ABCF1: variants seen among roughly 807,000 people sequenced by gnomAD.
ABCF1 encodes ATP binding cassette subfamily F member 1, also known as ATP-binding cassette sub-family F member 1.
ABCF1 carries 73 observed loss-of-function variants against 126.3 expected under a neutral mutation model. That is an observed-to-expected ratio of 0.58 (90% CI 0.48 to 0.70). ABCF1 has a LOEUF of 0.70. Among genes scored for constraint, ABCF1 ranks in the 30% least tolerant of loss-of-function variants. The probability of loss-of-function intolerance (pLI) is 0.00; values close to 1 mark genes in which losing one functional copy is unlikely to be tolerated. For missense variants in ABCF1, 786 were observed against 1,057.5 expected, an observed-to-expected ratio of 0.74 and a Z score of 3.56; for synonymous variants, 345 against 396.4, an observed-to-expected ratio of 0.87 and a Z score of 1.54.
chr6:30,585,672 G>C lies in ABCF1; in HGVS notation c.1590G>C (p.Arg530Ser), dbSNP rs914819438. ...HLDAQRLHYY[R>S]GNYMTFKKMY... ...ATGCCCAGCGGCTCCACTACTATAG[G>C]GGCAATTACAGTAAGTAGGATTGTG... The change falls in exon 16 of 25, where the codon AGG (arginine) becomes AGC (serine). Residue 530 changes from arginine (R) to serine (S), a missense_variant. This residue lies in a region of ABCF1 where 288 missense variants were observed against 423.5 expected (regional missense o/e 0.68). Transcript: ENST00000326195. 16 of 1,612,830 alleles carry C rather than the reference G, an allele frequency of 9.9e-6. No individual in the cohort carries two copies. Among genetic ancestry groups the C allele is most frequent in the Non-Finnish European group, 1.4e-5 (16 of 1,180,012 alleles).
rs1348251446 is a variant in ABCF1, at chr6:30,583,460, C to T, written c.916-148C>T. ...TACAGGCAGCGAACAGGGCGGGGAC[C>T]GGCTGTGGGGAGAGGAAGGGGATTA... On this transcript the variant is annotated intron_variant, in intron 10 of 24. Coordinates refer to ENST00000326195, the MANE Select transcript of ABCF1 (RefSeq NM_001025091.2). This position sits in a 1 kb window ranked among gnomAD's most constrained non-coding sequence, Gnocchi z 4.1. The T allele has an allele frequency of 1.2e-5, 11 of 930,394 alleles. No homozygotes were observed. Among genetic ancestry groups the T allele is most frequent in the Middle Eastern group, 3.3e-4 (1 of 3,004 alleles). 57.6% of individuals were successfully genotyped at this position (930,394 alleles called of 1,614,324 possible). A position where few individuals can be genotyped will look rare whatever the true frequency, so the allele number is the denominator to read the frequency against.
chr6:30,589,450 A>G, intron 20 of ABCF1: 1 of 577,782 alleles, frequency 1.7e-6, no homozygotes, highest in South Asian at 2.1e-5. Flanking sequence ...AAAAATACAA[A>G]AAATTAGCCG....
chr6:30,580,250 G>A (rs1801741382), intron 7 of ABCF1, among the ~76,000 whole-genome samples, 156 bp from the exon 8 acceptor site: 1 of 151,884 alleles, frequency 6.6e-6, no homozygotes, highest in African/African-American at 2.4e-5. Context: ...GGGAGGCTGA[G>A]GCAGGAGAAT....
intron 22 of ABCF1, 35 bp downstream of exon 22, chr6:30,590,009 C>T (rs775901047): frequency 5.6e-6 from 9 of 1,608,822 alleles, no homozygotes; most frequent in South Asian, 4.4e-5. Flanking sequence ...GTGCCCTTCA[C>T]CTTATCATTC....
At position 30,585,271 on chromosome 6, in the gene ABCF1, TG is replaced by T; in HGVS notation, c.1405del (p.Glu469SerfsTer5). 1 of 1,613,280 alleles carries T rather than the reference TG, an allele frequency of 6.2e-7. No individual in the cohort carries two copies. Among genetic ancestry groups the T allele is most frequent in the Non-Finnish European group, 8.5e-7 (1 of 1,179,886 alleles). On this transcript the variant is annotated frameshift_variant, in exon 15 of 25. Coordinates refer to ENST00000326195, the MANE Select transcript of ABCF1 (RefSeq NM_001025091.2). LOFTEE classifies it high-confidence loss of function. ...TACCCACCCTCTAGGGCACTGTTCA[TG>T]GAGCCCACACTGCTGATGCTGGATG... ...MRVSLARALF[M>X]EPTLLMLDEP...
chr6:30,589,018 T>C (rs1052910008), intron 20 of ABCF1, among the ~76,000 whole-genome samples: 1 of 152,252 alleles, frequency 6.6e-6, no homozygotes, highest in South Asian at 2.1e-4. Flanking sequence ...GTTCCTTTTC[T>C]TTTTTGAGAC....
At chr6:30,577,351 G>A (rs1801555551) in intron 1 of ABCF1, 58 bp from the exon 2 acceptor site, 1 of 1,557,860 alleles carries the variant, frequency 6.4e-7, no homozygotes, top group Non-Finnish European at 8.8e-7. Flanking sequence ...TTGCAGGGGG[G>A]ATCAGACTGC....
rs192021424 is a variant in ABCF1, at chr6:30,586,406, G to A, written c.1886-68G>A. On this transcript the variant is annotated intron_variant, in intron 18 of 24. Coordinates refer to ENST00000326195, the MANE Select transcript of ABCF1 (RefSeq NM_001025091.2). The surrounding 1 kb of genome is among the most constrained non-coding windows in gnomAD (Gnocchi z 4.9). Reference sequence around the variant, plus strand: ...GCTGAGATTGCTCCTGTTCTCCAAGGCCAGCACATGAGAGGGACTTTGCAG... The same window carrying A: ...GCTGAGATTGCTCCTGTTCTCCAAGACCAGCACATGAGAGGGACTTTGCAG... 7,651 of 1,608,930 alleles carry A rather than the reference G, an allele frequency of 4.8e-3. 40 individuals carry two copies. Among genetic ancestry groups the A allele is most frequent in the Non-Finnish European group, 4.7e-3 (5,559 of 1,176,236 alleles).
intron 1 of ABCF1, 145 bp from the exon 2 acceptor site, chr6:30,577,264 G>C (rs980156873): frequency 2.8e-6 from 2 of 711,284 alleles, no homozygotes; most frequent in Non-Finnish European, 4.7e-6. Context: ...TGCAGGAGTT[G>C]TGAGACAGTA....
In ABCF1 at chr6:30,586,117, T is replaced by C; in HGVS notation, c.1714-17T>C. The C allele has an allele frequency of 6.2e-7, 1 of 1,608,160 alleles. No individual in the cohort carries two copies. Among genetic ancestry groups the C allele is most frequent in the Admixed American group, 1.7e-5 (1 of 58,090 alleles). The stretch of plus-strand genomic sequence containing the variant: ...CGCGCAGGGCTCAGGTTTCTCTTTT[T>C]TCCTCTTCCTCTCCAGGAAAAACAA... On this transcript the variant is annotated splice_polypyrimidine_tract_variant and intron_variant, in intron 17 of 24. Transcript: ENST00000326195. This position sits in a 1 kb window ranked among gnomAD's most constrained non-coding sequence, Gnocchi z 4.9.
At position 30,586,177 on chromosome 6, in the gene ABCF1, G is replaced by T. The variant is rs1250124990; in HGVS notation, c.1757G>T (p.Cys586Phe). 1 of 1,613,982 alleles carries T rather than the reference G, an allele frequency of 6.2e-7. No homozygotes were observed. Among genetic ancestry groups the T allele is most frequent in the Admixed American group, 1.7e-5 (1 of 59,988 alleles). The change falls in exon 18 of 25, where the codon TGC becomes TTC. Residue 586 changes from cysteine (C) to phenylalanine (F), a missense_variant. Physicochemically the swap from Cys to Phe is radical, Grantham distance 205 (BLOSUM62 -2). Coordinates refer to ENST00000326195, the MANE Select transcript of ABCF1 (RefSeq NM_001025091.2). This position sits in a 1 kb window ranked among gnomAD's most constrained non-coding sequence, Gnocchi z 4.9. ...GCCCTGACTCGGAAGCAGCAGAAAT[G>T]CCGACGGAAAAACCAAGATGAGGAA... ...KEALTRKQQKCRRKNQDEESQ... is the reference protein window; with the variant it reads ...KEALTRKQQKFRRKNQDEESQ...
In ABCF1 at chr6:30,584,328, G is replaced by A. The variant is rs1801994223; in HGVS notation, c.1239G>A (p.Glu413=). 1 of 1,613,028 alleles carries A rather than the reference G, an allele frequency of 6.2e-7. No individual in the cohort carries two copies. Among genetic ancestry groups the A allele is most frequent in the African/African-American group, 1.3e-5 (1 of 74,924 alleles). Residue 413 remains glutamate, a synonymous_variant, in exon 13 of 25, where the codon GAG becomes GAA. Coordinates refer to ENST00000326195, the MANE Select transcript of ABCF1 (RefSeq NM_001025091.2). This position sits in a 1 kb window ranked among gnomAD's most constrained non-coding sequence, Gnocchi z 4.6. ...QGDDTAAERL[E]KVYEELRATG... ...ATGACACAGCTGCTGAGAGGCTAGA[G>A]AAGGTAGAGGAGATGGCGCAGGGGA...
intron 20 of ABCF1, among the ~76,000 whole-genome samples, chr6:30,587,774 A>G (rs1016085740): frequency 6.6e-6 from 1 of 151,100 alleles, no homozygotes; most frequent in African/African-American, 2.4e-5. Flanking sequence ...GCTTGAGTCC[A>G]GGGGGCAGAG....
Position 30,584,014 on chromosome 6 carries a change from C to A in ABCF1, c.1102+124C>A, listed in dbSNP as rs1394776201. On this transcript the variant is annotated intron_variant, in intron 12 of 24. Transcript: ENST00000326195. The surrounding 1 kb of genome is among the most constrained non-coding windows in gnomAD (Gnocchi z 4.6). ...AGGGATGTGGAGGGAGACTGGAGAC[C>A]GGGAAAGGGATGCTAAGGAAAGGAG... 1.4e-6 allele frequency: 2 copies of A among 1,399,068 alleles called. No homozygotes were observed. Among genetic ancestry groups the A allele is most frequent in the Non-Finnish European group, 2.0e-6 (2 of 1,013,230 alleles). The allele number at this position is 1,399,068 out of a possible 1,614,324, so 86.7% of individuals were successfully genotyped here.
intron 1 of ABCF1, among the ~76,000 whole-genome samples, chr6:30,576,075 T>TAAA (rs35364261): frequency 1.7e-5 from 2 of 120,822 alleles, no homozygotes; most frequent in African/African-American, 3.0e-5. Context: ...CCCTGTCTCT[T>TAAA]AAAAAAAAAA....
intron 20 of ABCF1, among the ~76,000 whole-genome samples, chr6:30,587,646 A>G (rs990597774): frequency 6.6e-6 from 1 of 151,482 alleles, no homozygotes; most frequent in African/African-American, 2.4e-5. Flanking sequence ...AAAAAAAAAA[A>G]CAGACCAGCC....
chr6:30,582,404 A>G lies in ABCF1; in HGVS notation c.689A>G (p.Glu230Gly), dbSNP rs1435353518. 1 of 1,602,792 alleles carries G rather than the reference A, an allele frequency of 6.2e-7. No homozygotes were observed. The change falls in exon 9 of 25, where the codon GAA becomes GGA. Residue 230 changes from glutamate to glycine, a missense_variant. Coordinates refer to ENST00000326195, the MANE Select transcript of ABCF1 (RefSeq NM_001025091.2). ...CCCGGGTTCTCACAGGGTTCAGAGGAAGAAGGAGAAGGGGAAGAAGAGGAG... is the reference window on the plus strand; with the variant it reads ...CCCGGGTTCTCACAGGGTTCAGAGGGAGAAGGAGAAGGGGAAGAAGAGGAG... Reference protein sequence around the residue: ...KAKKAEQGSEEEGEGEEEEEE... With the variant: ...KAKKAEQGSEGEGEGEEEEEE...
intron 1 of ABCF1, among the ~76,000 whole-genome samples, chr6:30,572,496 T>C (rs1801304607): frequency 6.6e-6 from 1 of 152,088 alleles, no homozygotes; most frequent in African/African-American, 2.4e-5. Context: ...CTCCCAAGAA[T>C]ATGTAATAGC....
rs1561804985 is a variant in ABCF1 at position 30,590,570 on chromosome 6, A to G, written c.2407A>G (p.Thr803Ala). Residue 803 changes from threonine (T) to alanine (A), a missense_variant, in exon 25 of 25, where the codon ACA becomes GCA. Transcript: ENST00000326195. The stretch of plus-strand genomic sequence containing the variant: ...TGTCAGCCATGATGCCCGACTCATC[A>G]CAGAAACCAATTGCCAGCTGTGGGT... ...IVVSHDARLI[T>A]ETNCQLWVVE... 1 of 1,612,750 alleles carries G rather than the reference A, an allele frequency of 6.2e-7. No individual in the cohort carries two copies. The highest frequency in any genetic ancestry group is 2.2e-5 in the East Asian group (1 of 44,868).
Sources: gnomAD v4.1 joint callset for allele counts (sites outside exome capture counted in the v4.1 genomes callset) on GRCh38, gnomAD v4.1.1 for gene constraint, gnomAD v4.1.1 regional missense constraint, Gnocchi (gnomAD v3.1) non-coding constraint, MANE v1.5 for transcripts, NCBI Gene and HGNC (gene_info 2026-07-23, HGNC 2026-07-21) for gene names.